Variants in CNTNAP2 observed in about 807,000 individuals in gnomAD.
CNTNAP2 encodes the protein contactin associated protein 2.
CNTNAP2 carries 98 observed loss-of-function variants against 155.2 expected under a neutral mutation model. The ratio of observed to expected loss-of-function variants is 0.63; its 90% CI spans 0.54 to 0.75. CNTNAP2 has a LOEUF of 0.75. CNTNAP2 is among the 30% of genes least tolerant of loss of function. The probability of loss-of-function intolerance (pLI) is 0.00; values close to 1 mark genes in which losing one functional copy is unlikely to be tolerated. For missense variants in CNTNAP2, 1,727 were observed against 1,688.1 expected, an observed-to-expected ratio of 1.02 and a Z score of -0.40; for synonymous variants, 651 against 631.2, an observed-to-expected ratio of 1.03 and a Z score of -0.47.
chr7:146,502,219 A>G (rs1797311206), intron 1 of CNTNAP2, among the ~76,000 whole-genome samples: 1 of 88,618 alleles, frequency 1.1e-5, no homozygotes. Flanking sequence ...GTGTGTATAT[A>G]TATGAATATA....
chr7:146,634,330 T>A (rs1799562809), intron 1 of CNTNAP2, among the ~76,000 whole-genome samples: 1 of 152,234 alleles, frequency 6.6e-6, no homozygotes, highest in Admixed American at 6.5e-5. Flanking sequence ...AGTAACATAT[T>A]GTTGGAAAGA....
intron 13 of CNTNAP2, among the ~76,000 whole-genome samples, chr7:147,759,151 G>A (rs1797261041): frequency 6.6e-6 from 1 of 152,090 alleles, no homozygotes; most frequent in Non-Finnish European, 1.5e-5. Context: ...CTCCTCCCAT[G>A]CGTAAACCTT....
At chr7:147,744,797 A>G (rs111679521) in intron 13 of CNTNAP2, among the ~76,000 whole-genome samples, 4,057 of 152,164 alleles carry the variant, frequency 0.027, 112 homozygotes, top group South Asian at 0.13. Context: ...AAGGACACCA[A>G]TACTATCCTA....
intron 2 of CNTNAP2, among the ~76,000 whole-genome samples, chr7:146,820,339 T>G (rs1803254954): frequency 6.6e-6 from 1 of 152,210 alleles, no homozygotes; most frequent in African/African-American, 2.4e-5. Flanking sequence ...AAAAATTATA[T>G]AGTTAGCAAT....
chr7:146,739,911 TAC>T (rs1801683213), intron 1 of CNTNAP2, among the ~76,000 whole-genome samples: 1 of 152,116 alleles, frequency 6.6e-6, no homozygotes. Flanking sequence ...TTTACCTTTT[TAC>T]AGTTTTTGAC....
At position 147,558,697 on chromosome 7, in the gene CNTNAP2, T is replaced by TTCC. The variant is rs1163377820; in HGVS notation, c.1778-3440_1778-3439insCCT. 3.8e-3 allele frequency among the ~76,000 whole-genome samples: 573 copies of TTCC among 148,924 alleles called. 5 individuals carry two copies. Among genetic ancestry groups the TTCC allele is most frequent in the African/African-American group, 0.013 (518 of 40,400 alleles). ...GAAAACTTTTTTCCTTCGTTCGTTCTTTCCTTCCTTCCTTCCTTCCTTCCT... is the reference window on the plus strand; with the variant it reads ...GAAAACTTTTTTCCTTCGTTCGTTCTTCCTTCCTTCCTTCCTTCCTTCCTTCCT... On this transcript the variant is annotated intron_variant, in intron 11 of 23. Transcript: ENST00000361727.
intron 1 of CNTNAP2, among the ~76,000 whole-genome samples, chr7:146,288,210 A>G (rs1190451762): frequency 6.8e-6 from 1 of 147,966 alleles, no homozygotes; most frequent in Non-Finnish European, 1.5e-5. Context: ...AGGTGGGAGG[A>G]TTGCTTGGAC....
At chr7:147,506,333 G>T (rs191377520) in intron 11 of CNTNAP2, among the ~76,000 whole-genome samples, 32 of 152,282 alleles carry the variant, frequency 2.1e-4, no homozygotes, top group Admixed American at 2.0e-3. Context: ...TCGGCTCACT[G>T]CAACCTCCGC....
chr7:148,340,378 C>T (rs75505259), intron 21 of CNTNAP2, among the ~76,000 whole-genome samples: 1,719 of 152,280 alleles, frequency 0.011, 26 homozygotes, highest in African/African-American at 0.04. Context: ...CATTTAAAGT[C>T]GGTCCTGTTC....
chr7:147,532,287 T>A (rs1453170589), intron 11 of CNTNAP2, among the ~76,000 whole-genome samples: 2 of 152,186 alleles, frequency 1.3e-5, no homozygotes, highest in Non-Finnish European at 2.9e-5. Flanking sequence ...GTTCCACACA[T>A]CTCTAGGGCA....
At chr7:146,892,979 C>A (rs1034077652) in intron 3 of CNTNAP2, among the ~76,000 whole-genome samples, 2 of 152,006 alleles carry the variant, frequency 1.3e-5, no homozygotes, top group Non-Finnish European at 2.9e-5. Context: ...TATATAAATT[C>A]ATAGGAAAAG....
At chr7:147,561,143 A>G (rs186718019) in intron 11 of CNTNAP2, among the ~76,000 whole-genome samples, 1 of 152,230 alleles carries the variant, frequency 6.6e-6, no homozygotes, top group East Asian at 1.9e-4. Flanking sequence ...AATTATTTTT[A>G]ATTAGTACAA....
At chr7:147,956,602 C>T (rs956544692) in intron 14 of CNTNAP2, among the ~76,000 whole-genome samples, 18 of 152,148 alleles carry the variant, frequency 1.2e-4, no homozygotes, top group Non-Finnish European at 7.3e-5. Context: ...TTCCTCATAC[C>T]TAGACCCTGA....
chr7:148,020,125 G>C (rs1802254854), intron 15 of CNTNAP2, among the ~76,000 whole-genome samples: 1 of 152,148 alleles, frequency 6.6e-6, no homozygotes, highest in East Asian at 1.9e-4. Context: ...AGAAGCCAAA[G>C]GATATTGCTT....
chr7:146,485,907 A>T lies in CNTNAP2; in HGVS notation c.98-288364A>T, dbSNP rs376047244. Among the ~76,000 whole-genome samples, 13 of 152,322 alleles carry T rather than the reference A, an allele frequency of 8.5e-5. No individual in the cohort carries two copies. The South Asian group carries it at 2.7e-3, about 32-fold the overall frequency. On this transcript the variant is annotated intron_variant, in intron 1 of 23. Transcript: ENST00000361727. The stretch of plus-strand genomic sequence containing the variant: ...GATATAGAATCTGTCTATACAATTT[A>T]ATCTGTCTATACAAGTTAAATAGAT...
At chr7:146,803,944 A>C (rs745853938) in intron 2 of CNTNAP2, among the ~76,000 whole-genome samples, 4 of 152,194 alleles carry the variant, frequency 2.6e-5, no homozygotes, top group Non-Finnish European at 4.4e-5. Context: ...TAGAATGAGA[A>C]ATAGGTGGTA....
intron 9 of CNTNAP2, among the ~76,000 whole-genome samples, chr7:147,344,076 GAA>G (rs1795807080): frequency 6.6e-6 from 1 of 152,120 alleles, no homozygotes; most frequent in Admixed American, 6.5e-5. Context: ...AAGCGACTCT[GAA>G]AAGATACCAT....
chr7:147,714,707 A>G (rs1347431207), intron 13 of CNTNAP2, among the ~76,000 whole-genome samples: 1 of 151,980 alleles, frequency 6.6e-6, no homozygotes, highest in Non-Finnish European at 1.5e-5. Flanking sequence ...GTGTGTGTGT[A>G]CTCATGTGTA....
At chr7:147,003,059 A>G (rs1468996097) in intron 3 of CNTNAP2, among the ~76,000 whole-genome samples, 1 of 152,010 alleles carries the variant, frequency 6.6e-6, no homozygotes, top group Non-Finnish European at 1.5e-5. Context: ...TGAGGAAGAG[A>G]AGTCCCAGAG....
Sources: allele counts gnomAD v4.1 joint callset (sites outside exome capture counted in the v4.1 genomes callset), GRCh38; gene constraint gnomAD v4.1.1; transcripts MANE v1.5; gene names NCBI Gene and HGNC (gene_info 2026-07-23, HGNC 2026-07-21).